Variants in PDZRN3 observed in about 807,000 individuals in gnomAD.
PDZRN3 encodes E3 ubiquitin-protein ligase PDZRN3.
PDZRN3 carries 38 observed loss-of-function variants against 85.7 expected under a neutral mutation model. That is an observed-to-expected ratio of 0.44 (90% CI 0.34 to 0.58). PDZRN3 has a LOEUF of 0.58. PDZRN3 is among the 20% of genes least tolerant of loss of function. The pLI, the probability that PDZRN3 is intolerant of heterozygous loss-of-function variation, is 0.01. For missense variants in PDZRN3, 1,629 were observed against 1,506.4 expected (o/e 1.08, Z -1.35); for synonymous variants, 759 against 638.0 (o/e 1.19, Z -2.86).
intron 3 of PDZRN3, among the ~76,000 whole-genome samples, chr3:73,589,189 G>A (rs565602862): frequency 2.6e-4 from 40 of 151,934 alleles, no homozygotes; most frequent in African/African-American, 8.7e-4. Context: ...GGACACTTTT[G>A]GTTTGTATTT....
chr3:73,443,473 C>CTTTT (rs1640588373), intron 3 of PDZRN3, among the ~76,000 whole-genome samples: 1 of 38,882 alleles, frequency 2.6e-5, no homozygotes, highest in African/African-American at 7.3e-5. Flanking sequence ...ATTTATTTTC[C>CTTTT]TTTTTCTTTT....
intron 3 of PDZRN3, among the ~76,000 whole-genome samples, chr3:73,588,121 T>C (rs571214716): frequency 1.4e-4 from 21 of 152,236 alleles, no homozygotes; most frequent in Admixed American, 1.0e-3. Flanking sequence ...GTGTGTGCTG[T>C]TCCTCTCTGT....
chr3:73,386,922 G>C (rs1277732554), intron 8 of PDZRN3, among the ~76,000 whole-genome samples: 1 of 152,186 alleles, frequency 6.6e-6, no homozygotes, highest in East Asian at 1.9e-4. Context: ...ATCTCACCTT[G>C]AATTGTAGCT....
intron 3 of PDZRN3, among the ~76,000 whole-genome samples, chr3:73,423,405 A>T (rs1559671489): frequency 6.6e-6 from 1 of 152,238 alleles, no homozygotes. Flanking sequence ...CACTGGGAGA[A>T]AACTGTTATT....
chr3:73,485,688 G>A (rs1454006540), intron 3 of PDZRN3, among the ~76,000 whole-genome samples: 4 of 152,130 alleles, frequency 2.6e-5, no homozygotes, highest in African/African-American at 9.7e-5. Flanking sequence ...ACTATAAGAC[G>A]ATGAAAAATC....
chr3:73,593,960 G>C (rs972788036), intron 3 of PDZRN3: 5 of 152,090 alleles, frequency 3.3e-5, no homozygotes, highest in African/African-American at 1.2e-4. Context: ...CTAGTAAAAA[G>C]TGAAAAACCT....
At chr3:73,606,252 G>C (rs1702598039) in intron 2 of PDZRN3, among the ~76,000 whole-genome samples, 2 of 152,222 alleles carry the variant, frequency 1.3e-5, no homozygotes, top group African/African-American at 4.8e-5. Flanking sequence ...TCTCAAAACT[G>C]GTAACAAAGG....
At chr3:73,587,024 G>A (rs571793488) in intron 3 of PDZRN3, among the ~76,000 whole-genome samples, 1 of 152,320 alleles carries the variant, frequency 6.6e-6, no homozygotes, top group Admixed American at 6.5e-5. Context: ...TTTTGCAACA[G>A]GTTTGATTTA....
At chr3:73,549,230 A>C (rs1031438875) in intron 3 of PDZRN3, among the ~76,000 whole-genome samples, 21 of 152,206 alleles carry the variant, frequency 1.4e-4, no homozygotes, top group Admixed American at 1.1e-3. Flanking sequence ...GGAATTGCTA[A>C]TATAACAATG....
chr3:73,460,502 ATCCAC>A (rs1409324440), intron 3 of PDZRN3, among the ~76,000 whole-genome samples: 3 of 152,198 alleles, frequency 2.0e-5, no homozygotes, highest in Non-Finnish European at 4.4e-5. Context: ...CATCTTGACC[ATCCAC>A]TGGAAACGAC....
At chr3:73,390,976 G>C (rs1701513136) in intron 6 of PDZRN3, 42 bp downstream of exon 6, 1 of 1,318,928 alleles carries the variant, frequency 7.6e-7, no homozygotes, top group East Asian at 2.3e-5. Context: ...AACCCTTTTG[G>C]TCTTGATACG....
chr3:73,468,379 T>C (rs1399391341), intron 3 of PDZRN3, among the ~76,000 whole-genome samples: 2 of 152,124 alleles, frequency 1.3e-5, no homozygotes, highest in Non-Finnish European at 2.9e-5. Flanking sequence ...TTCCAGGGCT[T>C]ACAAATTTGT....
At position 73,624,307 on chromosome 3, in the gene PDZRN3, G is replaced by C. The variant is rs1188222830; in HGVS notation, c.519C>G (p.Leu173=). ...TGTGCAGCGCGCCCAGGCGGGCCTGGAGCGCGCCGTTGTGCGCCCGCAGCG... is the reference window on the plus strand; with the variant it reads ...TGTGCAGCGCGCCCAGGCGGGCCTGCAGCGCGCCGTTGTGCGCCCGCAGCG... ...ARALRAHNGA[L]QARLGALHKA... The change falls in exon 1 of 10, where the codon CTC becomes CTG. Residue 173 remains leucine, a synonymous_variant. Transcript: ENST00000263666. The C allele has an allele frequency of 2.3e-6, 3 of 1,330,864 alleles. No homozygotes were observed. Among genetic ancestry groups the C allele is most frequent in the Non-Finnish European group, 2.9e-6 (3 of 1,048,552 alleles). The allele number at this position is 1,330,864 out of a possible 1,614,324, so 82.4% of individuals were successfully genotyped here.
At chr3:73,559,281 A>G (rs551206961) in intron 3 of PDZRN3, among the ~76,000 whole-genome samples, 2 of 152,342 alleles carry the variant, frequency 1.3e-5, no homozygotes, top group East Asian at 1.9e-4. Context: ...ACACAGTTTC[A>G]CAGTTTGGCC....
chr3:73,618,247 T>C (rs1362933625), intron 1 of PDZRN3, among the ~76,000 whole-genome samples: 1 of 152,228 alleles, frequency 6.6e-6, no homozygotes, highest in Non-Finnish European at 1.5e-5. Flanking sequence ...GCAGGGTCTT[T>C]CTGAGGATGA....
At chr3:73,554,704 C>A (rs931112781) in intron 3 of PDZRN3, among the ~76,000 whole-genome samples, 1 of 152,200 alleles carries the variant, frequency 6.6e-6, no homozygotes, top group Non-Finnish European at 1.5e-5. Flanking sequence ...CCACAATTTT[C>A]ATCCACACTC....
chr3:73,597,081 C>G (rs572999389), intron 3 of PDZRN3, among the ~76,000 whole-genome samples: 1 of 152,240 alleles, frequency 6.6e-6, no homozygotes. Context: ...CGAAATGAAA[C>G]ATTTTTTAAA....
rs141080314 is a variant in PDZRN3 at position 73,423,938 on chromosome 3, A to G, written c.919-19543T>C. Among the ~76,000 whole-genome samples, 471 of 152,296 alleles carry G rather than the reference A, an allele frequency of 3.1e-3. 2 individuals are homozygous for G. Among genetic ancestry groups the G allele is most frequent in the Non-Finnish European group, 4.9e-3 (336 of 68,030 alleles). On this transcript the variant is annotated intron_variant, in intron 3 of 9. Transcript: ENST00000263666. ...TGAATGCCTGTTAAACCTACCAACC[A>G]CAGAGGGAAACTGGCATTTCCCCGT...
chr3:73,570,647 T>G (rs1702033125), intron 3 of PDZRN3, among the ~76,000 whole-genome samples: 1 of 152,140 alleles, frequency 6.6e-6, no homozygotes, highest in Non-Finnish European at 1.5e-5. Context: ...CCTCAAAAGC[T>G]AGCCCTTGAT....
Sources: allele counts gnomAD v4.1 joint callset (sites outside exome capture counted in the v4.1 genomes callset), GRCh38; gene constraint gnomAD v4.1.1; transcripts MANE v1.5; gene names NCBI Gene and HGNC (gene_info 2026-07-23, HGNC 2026-07-21).